SGCZ: variants seen among roughly 807,000 people sequenced by gnomAD.
The protein encoded by SGCZ is sarcoglycan zeta, also known as zeta-sarcoglycan.
In SGCZ, 40 loss-of-function variants were observed where a neutral mutation model predicts 41.3. The ratio of observed to expected loss-of-function variants is 0.97; its 90% CI spans 0.75 to 1.26. The LOEUF (loss-of-function observed/expected upper bound fraction) is 1.26, where lower values mean the gene tolerates loss of function less well. Ranked by LOEUF, SGCZ falls within the 50% of genes most tolerant of loss-of-function variation. The pLI is 0.00. For synonymous variants in SGCZ, 206 were observed against 137.5 expected (o/e 1.50, Z -3.49); for missense variants, 552 against 369.8 (o/e 1.49, Z -4.04).
intron 1 of SGCZ, among the ~76,000 whole-genome samples, chr8:14,915,867 C>T (rs1799420617): frequency 3.9e-5 from 6 of 152,142 alleles, no homozygotes; most frequent in Admixed American, 3.9e-4. Flanking sequence ...GTCCTGAATT[C>T]TTTCTCAGTG....
chr8:15,172,158 T>TTTTTTTATTTATTTATTTTATTTTA (rs1345131609), intron 1 of SGCZ, among the ~76,000 whole-genome samples: 7 of 93,962 alleles, frequency 7.4e-5, no homozygotes, highest in African/African-American at 2.2e-4. Flanking sequence ...TACTCTGTTT[T>TTTTTTTATTTATTTATTTTATTTTA]TTTTTTTTTT....
At chr8:14,961,711 A>C (rs1800972544) in intron 1 of SGCZ, among the ~76,000 whole-genome samples, 1 of 152,140 alleles carries the variant, frequency 6.6e-6, no homozygotes, top group Non-Finnish European at 1.5e-5. Context: ...ATAAGGAGGA[A>C]CTACTGTACA....
chr8:14,239,156 T>G (rs1315716906), intron 3 of SGCZ, among the ~76,000 whole-genome samples: 2 of 152,126 alleles, frequency 1.3e-5, no homozygotes, highest in Non-Finnish European at 2.9e-5. Context: ...GTATAGTTCA[T>G]GGACTAAAGA....
At chr8:14,189,766 C>T (rs1805030773) in intron 4 of SGCZ, among the ~76,000 whole-genome samples, 1 of 152,138 alleles carries the variant, frequency 6.6e-6, no homozygotes, top group South Asian at 2.1e-4. Context: ...TTTGTCTTAT[C>T]ACTTTTGTTT....
chr8:14,169,176 A>C (rs1345452145), intron 4 of SGCZ, among the ~76,000 whole-genome samples: 1 of 152,140 alleles, frequency 6.6e-6, no homozygotes, highest in Non-Finnish European at 1.5e-5. Context: ...ACATTCCACA[A>C]GATTAATATT....
At chr8:14,650,670 G>A (rs996712915) in intron 1 of SGCZ, among the ~76,000 whole-genome samples, 5 of 151,998 alleles carry the variant, frequency 3.3e-5, no homozygotes, top group Non-Finnish European at 7.4e-5. Context: ...AGCTGAGAGT[G>A]ATTAGTAAAA....
intron 1 of SGCZ, among the ~76,000 whole-genome samples, chr8:15,023,979 C>T (rs993562703): frequency 1.3e-5 from 2 of 152,104 alleles, no homozygotes; most frequent in African/African-American, 2.4e-5. Flanking sequence ...ATACAGGGAC[C>T]AGGATAAGTG....
chr8:14,204,248 G>T (rs900340174), intron 4 of SGCZ, among the ~76,000 whole-genome samples: 1 of 150,692 alleles, frequency 6.6e-6, no homozygotes, highest in South Asian at 2.1e-4. Flanking sequence ...GATGGATCTT[G>T]CTATTTGGGT....
intron 2 of SGCZ, among the ~76,000 whole-genome samples, chr8:14,443,896 T>G (rs577485566): frequency 6.6e-6 from 1 of 152,152 alleles, no homozygotes; most frequent in East Asian, 1.9e-4. Flanking sequence ...GGGAGAAAAT[T>G]TTTGCAACCT....
At chr8:14,674,832 CCTTCCACCATGAA>C in intron 1 of SGCZ, among the ~76,000 whole-genome samples, 1 of 151,754 alleles carries the variant, frequency 6.6e-6, no homozygotes, top group East Asian at 1.9e-4. Context: ...TCCCACTTTG[CCTTCCACCATGAA>C]TAAAATCTCG....
intron 1 of SGCZ, among the ~76,000 whole-genome samples, chr8:15,154,329 G>A (rs1799266596): frequency 6.6e-6 from 1 of 152,164 alleles, no homozygotes; most frequent in Admixed American, 6.6e-5. Flanking sequence ...GACCCTACAT[G>A]AAATAAGCTG....
At chr8:14,107,644 T>C (rs1802247491) in intron 6 of SGCZ, among the ~76,000 whole-genome samples, 1 of 152,122 alleles carries the variant, frequency 6.6e-6, no homozygotes, top group South Asian at 2.1e-4. Context: ...TATTGTGTTT[T>C]GTTTTGTTTT....
intron 1 of SGCZ, among the ~76,000 whole-genome samples, chr8:14,579,341 A>C (rs1804811653): frequency 6.6e-6 from 1 of 152,242 alleles, no homozygotes; most frequent in Non-Finnish European, 1.5e-5. Context: ...ATTATAAAAC[A>C]GAAACCTTAA....
chr8:14,847,125 G>GC (rs1563312175), intron 1 of SGCZ, among the ~76,000 whole-genome samples: 5 of 61,754 alleles, frequency 8.1e-5, no homozygotes, highest in African/African-American at 2.6e-4. Context: ...AGAAGAAGAA[G>GC]AAAGAAGAAG....
intron 1 of SGCZ, among the ~76,000 whole-genome samples, chr8:14,976,658 T>G (rs1287707353): frequency 6.6e-6 from 1 of 152,134 alleles, no homozygotes; most frequent in Non-Finnish European, 1.5e-5. Context: ...AGAATATTTG[T>G]GGCATTCAAT....
intron 3 of SGCZ, among the ~76,000 whole-genome samples, chr8:14,271,640 G>T (rs78061617): frequency 6.6e-6 from 1 of 152,074 alleles, no homozygotes; most frequent in Non-Finnish European, 1.5e-5. Flanking sequence ...TATATAGAAA[G>T]ATTTTTTTCC....
chr8:14,741,472 T>C (rs893575596), intron 1 of SGCZ, among the ~76,000 whole-genome samples: 1 of 152,074 alleles, frequency 6.6e-6, no homozygotes, highest in African/African-American at 2.4e-5. Flanking sequence ...CAGATAAGCA[T>C]TAAATTTTTC....
intron 1 of SGCZ, among the ~76,000 whole-genome samples, chr8:14,962,144 T>C (rs1800985517): frequency 1.3e-5 from 2 of 152,166 alleles, no homozygotes; most frequent in Non-Finnish European, 1.5e-5. Flanking sequence ...AAGTGTATCA[T>C]GAAATTCCCT....
At chr8:14,348,769 A>T (rs1277630623) in intron 2 of SGCZ, among the ~76,000 whole-genome samples, 1 of 152,328 alleles carries the variant, frequency 6.6e-6, no homozygotes, top group South Asian at 2.1e-4. Context: ...ATGGCTAAGA[A>T]TATATCATTC....
Sources: gnomAD v4.1 joint callset for allele counts (sites outside exome capture counted in the v4.1 genomes callset) on GRCh38, gnomAD v4.1.1 for gene constraint, MANE v1.5 for transcripts, NCBI Gene and HGNC (gene_info 2026-07-23, HGNC 2026-07-21) for gene names.